KIF2A: variants seen among roughly 807,000 people sequenced by gnomAD.
KIF2A encodes the protein kinesin family member 2A.
A neutral mutation model predicts 100.2 loss-of-function variants in KIF2A; 22 were observed. The ratio of observed to expected loss-of-function variants is 0.22; its 90% CI spans 0.16 to 0.31. The LOEUF (loss-of-function observed/expected upper bound fraction) is 0.31. Among genes scored for constraint, KIF2A ranks in the 10% least tolerant of loss-of-function variants. KIF2A has a pLI of 1.00. For missense variants in KIF2A, 495 were observed against 898.7 expected (o/e 0.55, Z 5.74); for synonymous variants, 268 against 285.9 (o/e 0.94, Z 0.63).
intron 1 of KIF2A, among the ~76,000 whole-genome samples, chr5:62,346,762 A>G (rs927428280): frequency 2.0e-5 from 3 of 152,228 alleles, no homozygotes; most frequent in Middle Eastern, 3.4e-3. Context: ...TGCTTTATAC[A>G]TTTTTGTTCT....
At chr5:62,318,756 T>C (rs1196113092) in intron 1 of KIF2A, among the ~76,000 whole-genome samples, 1 of 152,206 alleles carries the variant, frequency 6.6e-6, no homozygotes, top group East Asian at 1.9e-4. Context: ...CATAGTATTC[T>C]CTTTCTGGGT....
chr5:62,323,724 T>G (rs1013639207), intron 1 of KIF2A, among the ~76,000 whole-genome samples: 5 of 152,084 alleles, frequency 3.3e-5, no homozygotes, highest in African/African-American at 1.2e-4. Flanking sequence ...TTGTGTAAGT[T>G]TGCAATTTTT....
intron 11 of KIF2A, among the ~76,000 whole-genome samples, chr5:62,362,134 T>A (rs1234966444): frequency 1.3e-5 from 2 of 151,630 alleles, no homozygotes; most frequent in Non-Finnish European, 2.9e-5. Flanking sequence ...GTCTCAATTG[T>A]TGAATTTCTG....
intron 17 of KIF2A, among the ~76,000 whole-genome samples, chr5:62,372,827 A>G (rs913206272): frequency 1.3e-5 from 2 of 152,200 alleles, no homozygotes; most frequent in African/African-American, 4.8e-5. Context: ...AAATTACCAT[A>G]CTTACCATCG....
intron 16 of KIF2A, among the ~76,000 whole-genome samples, chr5:62,366,839 A>AG (rs1394334938): frequency 1.3e-5 from 2 of 152,130 alleles, no homozygotes; most frequent in African/African-American, 4.8e-5. Flanking sequence ...TCAAAAAAAA[A>AG]AAAAAAATTA....
chr5:62,363,945 T>G (rs1240132601), intron 14 of KIF2A, 46 bp downstream of exon 14: 2 of 1,451,736 alleles, frequency 1.4e-6, no homozygotes, highest in African/African-American at 2.9e-5. Context: ...ACTTTTGACT[T>G]TAATTTTCTT....
intron 1 of KIF2A, among the ~76,000 whole-genome samples, chr5:62,340,838 A>C (rs2111885394): frequency 6.6e-6 from 1 of 152,290 alleles, no homozygotes; most frequent in Non-Finnish European, 1.5e-5. Context: ...ATTATAATTT[A>C]AAAAGAGGTA....
intron 1 of KIF2A, among the ~76,000 whole-genome samples, chr5:62,335,675 C>T (rs1261410483): frequency 6.6e-6 from 1 of 152,122 alleles, no homozygotes; most frequent in Admixed American, 6.5e-5. Flanking sequence ...AGCTCCTCCT[C>T]ACCACCTTTT....
At chr5:62,335,508 C>G (rs974183770) in intron 1 of KIF2A, among the ~76,000 whole-genome samples, 3 of 152,140 alleles carry the variant, frequency 2.0e-5, no homozygotes, top group Non-Finnish European at 4.4e-5. Context: ...CCCTTGAATT[C>G]TGTACAGGGG....
intron 1 of KIF2A, 78 bp downstream of exon 1, chr5:62,306,614 G>C: frequency 8.3e-7 from 1 of 1,197,876 alleles, no homozygotes; most frequent in South Asian, 1.4e-5. Flanking sequence ...GGCGCCGGCC[G>C]CCTCATTGAT....
In KIF2A at chr5:62,332,415, A is replaced by T. The variant is rs1187595956; in HGVS notation, c.65-14715A>T. Reference sequence around the variant, plus strand: ...TTACCAACAGATATTAAAAGTTGAGATGTGAACTGTTTTCCCTTTAATTTC... The same window carrying T: ...TTACCAACAGATATTAAAAGTTGAGTTGTGAACTGTTTTCCCTTTAATTTC... On this transcript the variant is annotated intron_variant, in intron 1 of 20. Transcript: ENST00000407818. 2.0e-5 allele frequency among the ~76,000 whole-genome samples: 3 copies of T among 152,306 alleles called. No homozygotes were observed. In the South Asian group the frequency reaches 6.2e-4, roughly 32 times the overall value.
intron 1 of KIF2A, among the ~76,000 whole-genome samples, chr5:62,339,964 AT>A (rs1482483520): frequency 2.0e-5 from 3 of 148,158 alleles, no homozygotes; most frequent in Admixed American, 6.7e-5. Context: ...TTGAGACAGA[AT>A]TTTGCTCTTA....
In KIF2A at chr5:62,373,787, G is replaced by A. The variant is rs1741422892; in HGVS notation, c.1861G>A (p.Val621Met). The A allele has an allele frequency of 1.2e-6, 2 of 1,613,000 alleles. No homozygotes were observed. Among genetic ancestry groups the A allele is most frequent in the Non-Finnish European group, 1.7e-6 (2 of 1,179,078 alleles). Residue 621 changes from valine to methionine, a missense_variant, in exon 18 of 21, where the codon GTG (valine) becomes ATG (methionine). Val to Met is a conservative substitution (Grantham distance 21). Coordinates refer to ENST00000407818, the MANE Select transcript of KIF2A (RefSeq NM_001098511.3). ...QIDDLETQWG[V>M]GSSPQRDDLK... is the part of the protein sequence containing the mutation. ...TGATGACTTAGAGACACAGTGGGGTGTGGGGAGTTCCCCTCAGAGAGATGA... is the reference window on the plus strand; with the variant it reads ...TGATGACTTAGAGACACAGTGGGGTATGGGGAGTTCCCCTCAGAGAGATGA...
chr5:62,380,544 G>A (rs1561282781), intron 19 of KIF2A, among the ~76,000 whole-genome samples: 2 of 152,098 alleles, frequency 1.3e-5, no homozygotes, highest in Non-Finnish European at 2.9e-5. Flanking sequence ...AGCACAGTTG[G>A]AAATATATAT....
intron 1 of KIF2A, among the ~76,000 whole-genome samples, chr5:62,324,085 A>C (rs986418276): frequency 1.3e-5 from 2 of 152,122 alleles, no homozygotes; most frequent in Admixed American, 1.3e-4. Flanking sequence ...TTCTTTTTCA[A>C]AATGCCTCTG....
At chr5:62,306,778 C>T in intron 1 of KIF2A, 3 of 479,090 alleles carry the variant, frequency 6.3e-6, no homozygotes, top group South Asian at 5.7e-5. Context: ...GGAAAGGGCC[C>T]GGGTGTCGAG....
chr5:62,347,063 A>G, intron 1 of KIF2A, 67 bp from the exon 2 acceptor site: 1 of 805,920 alleles, frequency 1.2e-6, no homozygotes, highest in Non-Finnish European at 2.0e-6. Context: ...ATAAAATTGT[A>G]TTTCACAGTG....
intron 1 of KIF2A, among the ~76,000 whole-genome samples, chr5:62,310,514 CATCTT>C (rs1243385436): frequency 6.6e-6 from 1 of 152,154 alleles, no homozygotes; most frequent in Non-Finnish European, 1.5e-5. Flanking sequence ...ATTAGAATGA[CATCTT>C]AGCTGGAAGT....
rs1741997804 is a variant in KIF2A at position 62,385,772 on chromosome 5, G to A, written c.*203G>A. On this transcript the variant is annotated 3_prime_UTR_variant, in exon 21 of 21. Coordinates refer to ENST00000407818, the MANE Select transcript of KIF2A (RefSeq NM_001098511.3). ...TCCAGGAGGCACAACCAAGAACTGG[G>A]ATTAATGAAGCATTTTGTTTCATTT... The A allele has an allele frequency of 1.9e-6, 1 of 536,746 alleles. No individual in the cohort carries two copies. The highest frequency in any genetic ancestry group is 3.3e-6 in the Non-Finnish European group (1 of 298,914). 33.2% of individuals were successfully genotyped at this position (536,746 alleles called of 1,614,324 possible).
Sources: gnomAD v4.1 joint callset for allele counts (sites outside exome capture counted in the v4.1 genomes callset) on GRCh38, gnomAD v4.1.1 for gene constraint, MANE v1.5 for transcripts, NCBI Gene and HGNC (gene_info 2026-07-23, HGNC 2026-07-21) for gene names.